The following PCDHA6 variants were observed in gnomAD, a reference collection of about 807,000 sequenced individuals.
PCDHA6 encodes the protein protocadherin alpha-6.
In PCDHA6, 55 loss-of-function variants were observed where a neutral mutation model predicts 60.3. The ratio of observed to expected loss-of-function variants is 0.91; its 90% CI spans 0.73 to 1.14. The LOEUF is 1.14. Among genes scored for constraint, PCDHA6 ranks in the 50% most tolerant of loss-of-function variants. PCDHA6 has a pLI of 0.00. For synonymous variants in PCDHA6, 652 were observed against 557.9 expected (o/e 1.17, Z -2.38); for missense variants, 1,327 against 1,256.5 (o/e 1.06, Z -0.85).
chr5:140,981,721 A>G (rs2096948672), intron 2 of PCDHA6, among the ~76,000 whole-genome samples: 1 of 151,112 alleles, frequency 6.6e-6, no homozygotes, highest in Non-Finnish European at 1.5e-5. Context: ...TTCATCCAAC[A>G]AATATTTGAG....
In PCDHA6 at chr5:141,003,093, C is replaced by T. The variant is rs80317990; in HGVS notation, c.2543-6534C>T. 2.0e-4 allele frequency among the ~76,000 whole-genome samples: 30 copies of T among 152,330 alleles called. No individual in the cohort carries two copies. The East Asian group carries it at 5.4e-3, about 27-fold the overall frequency. ...ATGAGGGTGAGTTTAACAGGCCTGG[C>T]ATTTGCTTCACAATCTTCTGGCCCT... On this transcript the variant is annotated intron_variant, in intron 3 of 3. Coordinates refer to ENST00000529310, the MANE Select transcript of PCDHA6 (RefSeq NM_018909.4).
chr5:140,946,142 CAAAT>C (rs1214309556), intron 1 of PCDHA6, among the ~76,000 whole-genome samples: 1 of 151,910 alleles, frequency 6.6e-6, no homozygotes, highest in Non-Finnish European at 1.5e-5. Context: ...AGTAAGAAAA[CAAAT>C]AACACGATTT....
intron 1 of PCDHA6, among the ~76,000 whole-genome samples, chr5:140,935,777 T>C (rs1306193430): frequency 6.6e-6 from 1 of 152,190 alleles, no homozygotes; most frequent in African/African-American, 2.4e-5. Flanking sequence ...TTTGAGTTTT[T>C]TCACTTAAAA....
At chr5:140,863,231 C>A in intron 1 of PCDHA6, 2 of 1,227,658 alleles carry the variant, frequency 1.6e-6, no homozygotes, top group Non-Finnish European at 2.3e-6. Context: ...AAGGTCCCAT[C>A]GCGGGCTTTG....
chr5:140,927,416 C>T (rs782053183), intron 1 of PCDHA6: 6 of 1,613,980 alleles, frequency 3.7e-6, no homozygotes, highest in Admixed American at 3.3e-5. Context: ...GACATGGGAT[C>T]GCGGGTTGAC....
In PCDHA6 at chr5:140,857,482, G is replaced by A. The variant is rs782347083; in HGVS notation, c.2394+26997G>A. On this transcript the variant is annotated intron_variant, in intron 1 of 3. Transcript: ENST00000529310. ...GCTGCCACATCTTCACGGTGTCTGC[G>A]TGGGACGCGGACGCGCAGGAGAACG... 2.3e-5 allele frequency: 36 copies of A among 1,598,422 alleles called. 1 individual carries two copies. The highest frequency in any genetic ancestry group is 2.6e-5 in the Non-Finnish European group (30 of 1,167,890).
rs1554132185 is a variant in PCDHA6 at position 140,829,720 on chromosome 5, G to A, written c.1629G>A (p.Pro543=). 3.1e-6 allele frequency: 5 copies of A among 1,613,502 alleles called. No individual in the cohort carries two copies. Among genetic ancestry groups the A allele is most frequent in the African/African-American group, 1.3e-5 (1 of 75,042 alleles). The stretch of plus-strand genomic sequence containing the variant: ...TGAGCGCGCGCGACGCGGGCGTGCC[G>A]CCTCTGGGCAGCAACGTGACGCTGC... ...FQVSARDAGV[P]PLGSNVTLQV... Residue 543 remains proline, a synonymous_variant, in exon 1 of 4, where the codon CCG becomes CCA. Coordinates refer to ENST00000529310, the MANE Select transcript of PCDHA6 (RefSeq NM_018909.4).
chr5:140,841,872 CA>C, intron 1 of PCDHA6: 1 of 1,613,796 alleles, frequency 6.2e-7, no homozygotes, highest in Non-Finnish European at 8.5e-7. Context: ...GATGTGAATT[CA>C]AAGAACGATG....
intron 3 of PCDHA6, among the ~76,000 whole-genome samples, chr5:140,992,231 G>C (rs1234271245): frequency 1.3e-5 from 2 of 152,176 alleles, no homozygotes; most frequent in African/African-American, 4.8e-5. Context: ...CCTGGGAAGA[G>C]TAAGGAAGGA....
intron 1 of PCDHA6, among the ~76,000 whole-genome samples, chr5:140,879,347 T>A (rs530902728): frequency 3.3e-5 from 5 of 152,206 alleles, no homozygotes; most frequent in Admixed American, 2.0e-4. Context: ...GCTGAGAAGA[T>A]GACATTGCCA....
chr5:140,979,197 T>C (rs954222917), intron 2 of PCDHA6, among the ~76,000 whole-genome samples, 190 bp downstream of exon 2: 2 of 152,214 alleles, frequency 1.3e-5, no homozygotes, highest in Non-Finnish European at 2.9e-5. Flanking sequence ...CAGATGCTTA[T>C]CAAGTGCTGG....
chr5:140,872,768 A>C (rs527621278), intron 1 of PCDHA6, among the ~76,000 whole-genome samples: 1 of 152,292 alleles, frequency 6.6e-6, no homozygotes, highest in East Asian at 1.9e-4. Context: ...ATAGGGCTAT[A>C]TTATCTATAA....
At chr5:140,935,402 A>T (rs1297077002) in intron 1 of PCDHA6, among the ~76,000 whole-genome samples, 2 of 152,212 alleles carry the variant, frequency 1.3e-5, no homozygotes, top group Non-Finnish European at 2.9e-5. Flanking sequence ...ACGGGACTCA[A>T]ACAATGGACT....
rs1205980132 is a variant in PCDHA6, at chr5:140,829,675, A to G, written c.1584A>G (p.Leu528=). ...TGCAGCCGCTGGACCACGAGGAGCTAGAGCTGCTGCAGTTTCAGGTGAGCG... is the reference window on the plus strand; with the variant it reads ...TGCAGCCGCTGGACCACGAGGAGCTGGAGCTGCTGCAGTTTCAGGTGAGCG... ...YALQPLDHEE[L]ELLQFQVSAR... is the part of the protein sequence containing the mutation. Residue 528 remains leucine, a synonymous_variant, in exon 1 of 4, where the codon CTA becomes CTG. Transcript: ENST00000529310. The G allele has an allele frequency of 3.1e-6, 5 of 1,613,082 alleles. No individual in the cohort carries two copies. The South Asian group carries it at 4.4e-5, about 14-fold the overall frequency.
At chr5:140,925,108 G>GGAAGGAA (rs1554202548) in intron 1 of PCDHA6, among the ~76,000 whole-genome samples, 42 of 124,700 alleles carry the variant, frequency 3.4e-4, no homozygotes, top group African/African-American at 1.4e-3. Context: ...GAAGGAAGGA[G>GGAAGGAA]GGAAGGAAGG....
At chr5:140,992,319 T>C (rs1474763849) in intron 3 of PCDHA6, among the ~76,000 whole-genome samples, 1 of 152,174 alleles carries the variant, frequency 6.6e-6, no homozygotes, top group Admixed American at 6.6e-5. Context: ...GGGCATTCCC[T>C]TTTCTAAGAG....
At chr5:140,857,796 CG>C in intron 1 of PCDHA6, 1 of 1,597,494 alleles carries the variant, frequency 6.3e-7, no homozygotes, top group Non-Finnish European at 8.6e-7. Flanking sequence ...GTGCTGCGGT[CG>C]GTGGTTGCGG....
intron 1 of PCDHA6, among the ~76,000 whole-genome samples, chr5:140,921,566 T>C (rs775027482): frequency 4.6e-5 from 7 of 152,304 alleles, no homozygotes; most frequent in Middle Eastern, 3.4e-3. Flanking sequence ...TATTATGTTA[T>C]AGTAGAGCTC....
At chr5:140,850,650 A>G in intron 1 of PCDHA6, 1 of 1,598,426 alleles carries the variant, frequency 6.3e-7, no homozygotes, top group Non-Finnish European at 8.6e-7. Context: ...GCTGCTGTAC[A>G]CTGTGCTGCG....
Sources: gnomAD v4.1 joint callset for allele counts (sites outside exome capture counted in the v4.1 genomes callset) on GRCh38, gnomAD v4.1.1 for gene constraint, MANE v1.5 for transcripts, NCBI Gene and HGNC (gene_info 2026-07-23, HGNC 2026-07-21) for gene names.